The following NBPF14 variants were observed in gnomAD, a reference collection of about 807,000 sequenced individuals.
NBPF14 encodes NBPF member 14.
NBPF14 carries 104 observed loss-of-function variants against 91.2 expected under a neutral mutation model. That is an observed-to-expected ratio of 1.14 (90% CI 0.97 to 1.34). NBPF14 has a LOEUF of 1.34. Ranked by LOEUF, NBPF14 falls within the 40% of genes most tolerant of loss-of-function variation. The pLI, the probability that NBPF14 is intolerant of heterozygous loss-of-function variation, is 0.00. For missense variants in NBPF14, 908 were observed against 783.0 expected (o/e 1.16, Z -1.91); for synonymous variants, 294 against 303.8 (o/e 0.97, Z 0.34).
chr1:148,587,344 C>T, exon 8 of NBPF14: 3 of 1,583,042 alleles, frequency 1.9e-6, no homozygotes, highest in East Asian at 2.2e-5. Flanking sequence ...AGCTTCTCCT[C>T]CTTGAACTGT....
intron 69 of NBPF14, 76 bp downstream of exon 69, chr1:148,534,608 G>T (rs1330526027): frequency 6.6e-6 from 6 of 906,898 alleles, no homozygotes; most frequent in Non-Finnish European, 1.1e-5. Context: ...GTGAGTAAGG[G>T]CCACTTGGAA....
At chr1:148,539,084 T>A (rs1655456122) in intron 63 of NBPF14, among the ~76,000 whole-genome samples, 1 of 19,936 alleles carries the variant, frequency 5.0e-5, no homozygotes, top group South Asian at 3.7e-3. Context: ...GACACTGAAA[T>A]TAGAATGAAG....
intron 16 of NBPF14, among the ~76,000 whole-genome samples, chr1:148,576,117 A>G (rs1659669836): frequency 7.9e-6 from 1 of 126,924 alleles, no homozygotes; most frequent in African/African-American, 3.5e-5. Flanking sequence ...ACACACAGCG[A>G]ACAGTGATCA....
intron 9 of NBPF14, among the ~76,000 whole-genome samples, chr1:148,585,415 T>A (rs1159063882): frequency 1.3e-5 from 2 of 151,942 alleles, no homozygotes; most frequent in African/African-American, 4.8e-5. Flanking sequence ...AGGGCCACCA[T>A]CAACATGTGG....
rs1392064175 is a variant in NBPF14 at position 148,533,935 on chromosome 1, C to A, written c.8649G>T (p.Arg2883Ser). Reference sequence around the variant, plus strand: ...TTCTTTCCTTCTTTGATCTTCTTCCCCTTCTTTTTTTCCCCTTCCCCTTCT... The same window carrying A: ...TTCTTTCCTTCTTTGATCTTCTTCCACTTCTTTTTTTCCCCTTCCCCTTCT... Residue 2883 changes from arginine to serine, a missense_variant, in exon 70 of 71, where the codon AGG becomes AGT. Arg to Ser is a moderately radical substitution (Grantham distance 110, BLOSUM62 -1). Transcript: ENST00000619423. The A allele has an allele frequency of 2.4e-4, 176 of 741,056 alleles. 1 individual carries two copies. The East Asian group carries it at 3.6e-3, about 15-fold the overall frequency. The allele number at this position is 741,056 out of a possible 1,614,324, so 45.9% of individuals were successfully genotyped here.
chr1:148,585,822 T>C (rs1661429861), intron 9 of NBPF14, among the ~76,000 whole-genome samples: 2 of 148,950 alleles, frequency 1.3e-5, no homozygotes, highest in Admixed American at 6.7e-5. Flanking sequence ...CTTCAGACCC[T>C]TGCAAGAGAC....
intron 8 of NBPF14, among the ~76,000 whole-genome samples, chr1:148,587,008 TATACTGA>T (rs1170366604): frequency 2.0e-5 from 3 of 146,550 alleles, no homozygotes; most frequent in Admixed American, 6.8e-5. Flanking sequence ...CCATTTTGAG[TATACTGA>T]ATGCTGCTGT....
chr1:148,560,248 AG>A (rs1657576016), intron 36 of NBPF14, among the ~76,000 whole-genome samples: 8 of 149,234 alleles, frequency 5.4e-5, no homozygotes, highest in African/African-American at 2.0e-4. Flanking sequence ...AGGGAGTCAA[AG>A]GACACTCTGA....
chr1:148,585,243 T>C, intron 9 of NBPF14, 30 bp from the exon 10 acceptor site: 2 of 1,589,018 alleles, frequency 1.3e-6, no homozygotes, highest in African/African-American at 1.3e-5. Context: ...CGTTCAGGTA[T>C]TTCCCACTTC....
intron 37 of NBPF14, among the ~76,000 whole-genome samples, chr1:148,559,479 A>G (rs1657242444): frequency 7.8e-6 from 1 of 128,560 alleles, no homozygotes; most frequent in Admixed American, 7.6e-5. Context: ...GAAGGATGAA[A>G]TCTACAAGAT....
At chr1:148,577,820 C>G (rs1469369459) in intron 14 of NBPF14, among the ~76,000 whole-genome samples, 163 bp downstream of exon 14, 1 of 137,326 alleles carries the variant, frequency 7.3e-6, no homozygotes, top group South Asian at 2.5e-4. Context: ...GAAATGGAAA[C>G]CTAAACATTT....
chr1:148,566,153 A>G (rs1410464674), exon 29 of NBPF14: 5 of 515,902 alleles, frequency 9.7e-6, no homozygotes, highest in South Asian at 3.9e-5. Context: ...CTCCCACGTC[A>G]AGAGAAAAGC....
At chr1:148,577,522 T>C (rs1570993262) in intron 14 of NBPF14, among the ~76,000 whole-genome samples, 167 bp from the exon 15 acceptor site, 1 of 147,440 alleles carries the variant, frequency 6.8e-6, no homozygotes, top group South Asian at 2.2e-4. Context: ...TATGGCCAGG[T>C]AGAAAAGGAT....
Position 148,566,346 on chromosome 1 carries a change from C to G in NBPF14, c.3543-31G>C, listed in dbSNP as rs1289675143. 3.0e-5 allele frequency: 23 copies of G among 756,878 alleles called. 4 individuals are homozygous for G. In the East Asian group the frequency reaches 3.0e-4, roughly 10 times the overall value. 46.9% of individuals were successfully genotyped at this position (756,878 alleles called of 1,614,324 possible). A position where few individuals can be genotyped will look rare whatever the true frequency, so the allele number is the denominator to read the frequency against. ...AAAGGAGGAAAAGGTAAAGAATAAG[C>G]CAGGGGAAATCAGACACAACAGAGC... On this transcript the variant is annotated intron_variant, in intron 28 of 70. Transcript: ENST00000619423.
Position 148,556,689 on chromosome 1 carries a change from C to G in NBPF14, c.5179+1G>C. 1 of 127,096 alleles carries G rather than the reference C, an allele frequency of 7.9e-6. No individual in the cohort carries two copies. Among genetic ancestry groups the G allele is most frequent in the Non-Finnish European group, 1.3e-5 (1 of 78,452 alleles). The allele number at this position is 127,096 out of a possible 1,614,324, so 7.9% of individuals were successfully genotyped here. A position where few individuals can be genotyped will look rare whatever the true frequency, so the allele number is the denominator to read the frequency against. On this transcript the variant is annotated splice_donor_variant, in intron 41 of 70. Transcript: ENST00000619423. LOFTEE classifies it high-confidence loss of function. ...TATCACCTTCATAGAAAGGTACTCA[C>G]CTCCCACATCAAGAGAAAAGCCAAC...
intron 22 of NBPF14, among the ~76,000 whole-genome samples, chr1:148,571,243 A>ACT: frequency 1.2e-5 from 1 of 82,658 alleles, no homozygotes; most frequent in Non-Finnish European, 2.2e-5. Context: ...AGACACACAC[A>ACT]CACACACACA....
exon 70 of NBPF14, chr1:148,533,925 A>C: frequency 1.3e-6 from 1 of 743,190 alleles, no homozygotes; most frequent in Non-Finnish European, 2.4e-6. Context: ...TCCTTCTTTG[A>C]TCTTCTTCCC....
chr1:148,586,622 G>A (rs1455833403), intron 8 of NBPF14, among the ~76,000 whole-genome samples, 153 bp from the exon 9 acceptor site: 3 of 148,206 alleles, frequency 2.0e-5, no homozygotes, highest in Non-Finnish European at 3.0e-5. Flanking sequence ...CCAAGAGAAA[G>A]AATAGAAAAT....
exon 29 of NBPF14, chr1:148,566,259 T>C (rs1157737913): frequency 6.3e-6 from 4 of 637,292 alleles, no homozygotes; most frequent in African/African-American, 2.4e-5. Context: ...ATAACATCTA[T>C]CCAGTGAGTC....
Sources: allele counts gnomAD v4.1 joint callset (sites outside exome capture counted in the v4.1 genomes callset), GRCh38; gene constraint gnomAD v4.1.1; transcripts MANE v1.5; gene names NCBI Gene and HGNC (gene_info 2026-07-23, HGNC 2026-07-21).